SLC15A2: variants seen among roughly 807,000 people sequenced by gnomAD.
SLC15A2 encodes kidney H(+)/peptide cotransporter.
A neutral mutation model predicts 95.5 loss-of-function variants in SLC15A2; 77 were observed. The observed-to-expected ratio is 0.81, with a 90% confidence interval of 0.67 to 0.97. The LOEUF is 0.97. Among genes scored for constraint, SLC15A2 ranks in the 50% least tolerant of loss-of-function variants. The pLI, the probability that SLC15A2 is intolerant of heterozygous loss-of-function variation, is 0.00. For missense variants in SLC15A2, 893 were observed against 874.4 expected (o/e 1.02, Z -0.27); for synonymous variants, 306 against 306.9 (o/e 1.00, Z 0.03).
rs1473907777 is a variant in SLC15A2 at position 121,942,521 on chromosome 3, T to C, written c.*1514T>C. On this transcript the variant is annotated 3_prime_UTR_variant, in exon 22 of 22. Transcript: ENST00000489711. ...TGTTAACAGGTAAGAGAAATTGCTC[T>C]AAGTGCCCAAACTTTATATACTTCA... 1 of 152,234 alleles carries C rather than the reference T, an allele frequency of 6.6e-6. No homozygotes were observed. The highest frequency in any genetic ancestry group is 1.5e-5 in the Non-Finnish European group (1 of 68,040). 9.4% of individuals were successfully genotyped at this position (152,234 alleles called of 1,614,324 possible).
intron 3 of SLC15A2, among the ~76,000 whole-genome samples, chr3:121,901,383 C>T (rs778251806): frequency 2.1e-4 from 32 of 152,246 alleles, no homozygotes; most frequent in Middle Eastern, 3.4e-3. Context: ...AGTAAATCTT[C>T]GAATTCATAA....
chr3:121,915,024 G>A, intron 5 of SLC15A2: 1 of 1,358,010 alleles, frequency 7.4e-7, no homozygotes, highest in South Asian at 1.9e-5. Context: ...TGCTAAAGCT[G>A]CTCTGGAGTT....
chr3:121,924,377 G>A lies in SLC15A2; in HGVS notation c.1029G>A (p.Gln343=). The change falls in exon 12 of 22, where the codon CAG becomes CAA. Residue 343 remains glutamine, a synonymous_variant. Transcript: ENST00000489711. ...GGTTTTTTGTGCTTCAGCCGGACCA[G>A]ATGCAGGTATGTGACTCTTCTATAG... ...NLGFFVLQPD[Q]MQVLNPLLVL... 1 of 1,613,494 alleles carries A rather than the reference G, an allele frequency of 6.2e-7. No individual in the cohort carries two copies. Among genetic ancestry groups the A allele is most frequent in the South Asian group, 1.1e-5 (1 of 91,060 alleles).
At chr3:121,938,120 G>A (rs533810876) in intron 19 of SLC15A2, among the ~76,000 whole-genome samples, 188 of 151,278 alleles carry the variant, frequency 1.2e-3, no homozygotes, top group African/African-American at 4.0e-3. Context: ...CAGTCTGCCC[G>A]TTCTCAGATC....
chr3:121,923,191 G>T, intron 10 of SLC15A2, 31 bp from the exon 11 acceptor site: 1 of 1,613,842 alleles, frequency 6.2e-7, no homozygotes, highest in Non-Finnish European at 8.5e-7. Flanking sequence ...ACAGGAAAGG[G>T]ATTTCTCATA....
intron 11 of SLC15A2, among the ~76,000 whole-genome samples, chr3:121,923,506 T>C (rs1401520812): frequency 6.6e-6 from 1 of 152,196 alleles, no homozygotes; most frequent in Admixed American, 6.5e-5. Context: ...CAAGGAAGTA[T>C]TGAGAGGCTA....
chr3:121,938,120 G>C (rs533810876), intron 19 of SLC15A2, among the ~76,000 whole-genome samples: 2 of 151,256 alleles, frequency 1.3e-5, no homozygotes, highest in Non-Finnish European at 2.9e-5. Flanking sequence ...CAGTCTGCCC[G>C]TTCTCAGATC....
chr3:121,930,618 A>T (rs1710213193), intron 17 of SLC15A2, among the ~76,000 whole-genome samples: 1 of 152,176 alleles, frequency 6.6e-6, no homozygotes, highest in Non-Finnish European at 1.5e-5. Context: ...ATAAAAGTTC[A>T]AGAAAAAGAA....
In SLC15A2 at chr3:121,928,406, G is replaced by A; in HGVS notation, c.1207-15G>A. 1 of 1,611,336 alleles carries A rather than the reference G, an allele frequency of 6.2e-7. No individual in the cohort carries two copies. The highest frequency in any genetic ancestry group is 1.1e-5 in the South Asian group (1 of 90,682). ...TTATTTGTTGGTGATTCTGACATGT[G>A]TTCTTTGCTCTAAGGAAATGGCCCC... On this transcript the variant is annotated splice_polypyrimidine_tract_variant and intron_variant, in intron 14 of 21. Coordinates refer to ENST00000489711, the MANE Select transcript of SLC15A2 (RefSeq NM_021082.4).
At chr3:121,915,719 T>A in intron 7 of SLC15A2, 26 bp downstream of exon 7, 1 of 1,522,206 alleles carries the variant, frequency 6.6e-7, no homozygotes, top group Non-Finnish European at 9.1e-7. Flanking sequence ...CAAAGGAAAC[T>A]AATAATCATT....
chr3:121,923,320 T>C (rs1710046883), intron 11 of SLC15A2, 54 bp downstream of exon 11: 1 of 1,544,674 alleles, frequency 6.5e-7, no homozygotes, highest in Non-Finnish European at 8.9e-7. Context: ...TCATCCATAT[T>C]GGGGAAAAAT....
In SLC15A2 at chr3:121,911,097, T is replaced by A. The variant is rs1709757572; in HGVS notation, c.336-477T>A. 2.0e-5 allele frequency among the ~76,000 whole-genome samples: 3 copies of A among 152,344 alleles called. No individual in the cohort carries two copies. In the South Asian group the frequency reaches 6.2e-4, roughly 32 times the overall value. ...TGAGGAAGTTGTTTGGGTTAGCCAT[T>A]CCTGTTTACTTGGAGTTCTTCCTTG... On this transcript the variant is annotated intron_variant, in intron 3 of 21. Transcript: ENST00000489711.
At chr3:121,929,203 T>C in intron 16 of SLC15A2, 57 bp downstream of exon 16, 2 of 1,601,638 alleles carry the variant, frequency 1.2e-6, no homozygotes, top group Non-Finnish European at 1.7e-6. Flanking sequence ...TATGACTGTC[T>C]CATCAACATC....
At chr3:121,901,210 G>A (rs1709513925) in intron 3 of SLC15A2, among the ~76,000 whole-genome samples, 1 of 152,024 alleles carries the variant, frequency 6.6e-6, no homozygotes, top group African/African-American at 2.4e-5. Flanking sequence ...GTAGAGATGA[G>A]ATTTCACCAT....
At chr3:121,896,377 G>A in intron 1 of SLC15A2, 29 bp from the exon 2 acceptor site, 1 of 1,555,216 alleles carries the variant, frequency 6.4e-7, no homozygotes, top group East Asian at 2.2e-5. Flanking sequence ...AACAGCTCAT[G>A]CTTGAATCAT....
In SLC15A2 at chr3:121,941,918, G is replaced by C. The variant is rs1710470814; in HGVS notation, c.*911G>C. 6.6e-6 allele frequency: 1 copy of C among 152,134 alleles called. No individual in the cohort carries two copies. The highest frequency in any genetic ancestry group is 1.5e-5 in the Non-Finnish European group (1 of 68,034). The allele number at this position is 152,134 out of a possible 1,614,324, so 9.4% of individuals were successfully genotyped here. ...TTTTCTTATTATTACACCTTGTCTT[G>C]CTTATTGCAGCAAATATTCAATAAC... On this transcript the variant is annotated 3_prime_UTR_variant, in exon 22 of 22. Transcript: ENST00000489711.
At chr3:121,922,056 A>T (rs905815369) in intron 7 of SLC15A2, among the ~76,000 whole-genome samples, 164 bp from the exon 8 acceptor site, 7 of 152,362 alleles carry the variant, frequency 4.6e-5, no homozygotes, top group African/African-American at 1.7e-4. Flanking sequence ...CCACTCCCAC[A>T]GTTCAGCATT....
rs1446557804 is a variant in SLC15A2 at position 121,928,992 on chromosome 3, A to G, written c.1352A>G (p.His451Arg). The stretch of plus-strand genomic sequence containing the variant: ...TTCTTCATTTTACAGAAAACACCAC[A>G]CTATTCCAAACTGCACCTGAAAACA... The part of the protein sequence containing the change: ...ESIKSFQKTP[H>R]YSKLHLKTKS... Residue 451 changes from histidine (H) to arginine (R), a missense_variant, in exon 16 of 22, where the codon CAC (histidine) becomes CGC (arginine). His to Arg is a conservative substitution (Grantham distance 29). Transcript: ENST00000489711. The G allele has an allele frequency of 4.3e-6, 7 of 1,613,826 alleles. No individual in the cohort carries two copies. Among genetic ancestry groups the G allele is most frequent in the Non-Finnish European group, 5.9e-6 (7 of 1,179,936 alleles).
chr3:121,904,839 C>T (rs967788031), intron 3 of SLC15A2, among the ~76,000 whole-genome samples: 1 of 152,132 alleles, frequency 6.6e-6, no homozygotes, highest in Non-Finnish European at 1.5e-5. Context: ...GCCAGGCTTT[C>T]ATATCAGGAT....
Sources: gnomAD v4.1 joint callset for allele counts (sites outside exome capture counted in the v4.1 genomes callset) on GRCh38, gnomAD v4.1.1 for gene constraint, MANE v1.5 for transcripts, NCBI Gene and HGNC (gene_info 2026-07-23, HGNC 2026-07-21) for gene names.